ECM2: variants seen among roughly 807,000 people sequenced by gnomAD.
ECM2 encodes the protein extracellular matrix protein 2, female organ and adipocyte specific.
ECM2 carries 57 observed loss-of-function variants against 67.5 expected under a neutral mutation model. The ratio of observed to expected loss-of-function variants is 0.84; its 90% confidence interval spans 0.68 to 1.05. The LOEUF is 1.05. Ranked by LOEUF, ECM2 falls within the 50% of genes least tolerant of loss-of-function variation. The pLI, the probability that ECM2 is intolerant of heterozygous loss-of-function variation, is 0.00. For synonymous variants in ECM2, 258 were observed against 294.5 expected (o/e 0.88, Z 1.27); for missense variants, 741 against 822.8 (o/e 0.90, Z 1.22).
the ECM2 span, among the ~76,000 whole-genome samples, chr9:92,550,840 C>T: frequency 6.6e-6 from 1 of 152,000 alleles, no homozygotes; most frequent in Non-Finnish European, 1.5e-5. Flanking sequence ...TCACTGACAC[C>T]AAAACATGGT....
chr9:92,540,895 A>G (rs1849302796), upstream of ECM2, among the ~76,000 whole-genome samples: 3 of 152,220 alleles, frequency 2.0e-5, no homozygotes, highest in African/African-American at 7.2e-5. Flanking sequence ...GAGCAAAAAT[A>G]TCGATAAAGT....
intron 9 of ECM2, among the ~76,000 whole-genome samples, chr9:92,498,985 A>G (rs1846516439): frequency 6.6e-6 from 1 of 152,228 alleles, no homozygotes; most frequent in Non-Finnish European, 1.5e-5. Flanking sequence ...CACAATTGAA[A>G]GGACCACGTC....
chr9:92,546,907 C>T, the ECM2 span, among the ~76,000 whole-genome samples: 1 of 152,160 alleles, frequency 6.6e-6, no homozygotes, highest in East Asian at 1.9e-4. Context: ...TACCACAGGT[C>T]TCTATATTCT....
Position 92,495,482 on chromosome 9 carries a change from T to A in ECM2, c.*833A>T, listed in dbSNP as rs1846303217. ...ATTTTTCAAAAATTTATACATTAGA[T>A]TTACCTTTACAAGGTTATAGTCAAG... On this transcript the variant is annotated 3_prime_UTR_variant, in exon 10 of 10. Transcript: ENST00000344604. The A allele has an allele frequency of 1.0e-6, 1 of 983,960 alleles. No homozygotes were observed. Among genetic ancestry groups the A allele is most frequent in the African/African-American group, 1.7e-5 (1 of 57,230 alleles). The allele number at this position is 983,960 out of a possible 1,614,324, so 61.0% of individuals were successfully genotyped here. A position where few individuals can be genotyped will look rare whatever the true frequency, so the allele number is the denominator to read the frequency against.
At chr9:92,496,966 C>T (rs968809309) in intron 9 of ECM2, among the ~76,000 whole-genome samples, 1 of 151,306 alleles carries the variant, frequency 6.6e-6, no homozygotes, top group Admixed American at 6.6e-5. Flanking sequence ...TCCAGAAGCT[C>T]ATTAACATAT....
intron 1 of ECM2, among the ~76,000 whole-genome samples, chr9:92,531,814 C>G (rs1848771595): frequency 1.3e-5 from 2 of 151,942 alleles, no homozygotes; most frequent in Admixed American, 6.5e-5. Flanking sequence ...TCCTTTTGTG[C>G]AGATGTGTTG....
chr9:92,507,173 T>G (rs1847057185), intron 6 of ECM2, among the ~76,000 whole-genome samples: 1 of 152,174 alleles, frequency 6.6e-6, no homozygotes, highest in Non-Finnish European at 1.5e-5. Flanking sequence ...TTTACAAAGG[T>G]TAACCTGGTG....
chr9:92,500,044 T>A (rs192319260), intron 9 of ECM2, among the ~76,000 whole-genome samples: 15 of 152,362 alleles, frequency 9.8e-5, no homozygotes, highest in African/African-American at 3.4e-4. Flanking sequence ...GCAGTTTTAA[T>A]TTTAGCATAT....
chr9:92,528,125 G>A (rs1475523403), intron 1 of ECM2: 1 of 152,318 alleles, frequency 6.6e-6, no homozygotes, highest in Non-Finnish European at 1.5e-5. Context: ...CCAACATGGA[G>A]TAATAGGGAC....
chr9:92,551,941 A>AT, the ECM2 span, among the ~76,000 whole-genome samples: 365 of 64,688 alleles, frequency 5.6e-3, 14 homozygotes, highest in African/African-American at 0.044. Flanking sequence ...ATATATATAT[A>AT]TATATATATA....
chr9:92,515,280 G>A (rs1179057880), intron 3 of ECM2, 77 bp from the exon 4 acceptor site: 1 of 1,377,722 alleles, frequency 7.3e-7, no homozygotes, highest in Non-Finnish European at 9.4e-7. Context: ...ATGAAAATGA[G>A]GTTAGTAAAT....
chr9:92,507,553 T>A (rs1403757479), intron 6 of ECM2, among the ~76,000 whole-genome samples: 2 of 152,182 alleles, frequency 1.3e-5, no homozygotes, highest in South Asian at 2.1e-4. Context: ...GAGGTGGATG[T>A]TGAAAGGATT....
At chr9:92,498,582 A>G (rs1321933118) in intron 9 of ECM2, among the ~76,000 whole-genome samples, 1 of 151,846 alleles carries the variant, frequency 6.6e-6, no homozygotes, top group Admixed American at 6.6e-5. Context: ...AAAAGAAAAG[A>G]GCAATTTCTA....
intron 1 of ECM2, chr9:92,528,018 TTGGAGAG>T (rs543072794): frequency 6.0e-4 from 92 of 153,306 alleles, no homozygotes; most frequent in African/African-American, 2.1e-3. Flanking sequence ...CTTCAGACTT[TTGGAGAG>T]TCTGTGAAGT....
intron 2 of ECM2, among the ~76,000 whole-genome samples, chr9:92,522,125 C>T (rs1017473387): frequency 4.6e-5 from 7 of 152,014 alleles, no homozygotes; most frequent in African/African-American, 1.7e-4. Context: ...CTTGCTCTGT[C>T]GCCCAGGCTG....
chr9:92,517,486 C>A, intron 3 of ECM2: 1 of 683,542 alleles, frequency 1.5e-6, no homozygotes. Flanking sequence ...AGAGCTAGAA[C>A]TATAAAGCCA....
At chr9:92,536,965 G>T (rs906976171), upstream of ECM2, among the ~76,000 whole-genome samples, 17 of 151,386 alleles carry the variant, frequency 1.1e-4, no homozygotes, top group Non-Finnish European at 2.1e-4. Flanking sequence ...CGCCTCCCAG[G>T]TTCAAGGGAT....
rs773736567 is a variant in ECM2 at position 92,496,296 on chromosome 9, A to G, written c.*19T>C. ...AAATACATGAGTAAAGTTTATAAAC[A>G]GCAAAGGAAAACTTGGAATTACTTG... On this transcript the variant is annotated 3_prime_UTR_variant, in exon 10 of 10. Coordinates refer to ENST00000344604, the MANE Select transcript of ECM2 (RefSeq NM_001393.4). 1 of 1,564,822 alleles carries G rather than the reference A, an allele frequency of 6.4e-7. No individual in the cohort carries two copies. Among genetic ancestry groups the G allele is most frequent in the Non-Finnish European group, 8.6e-7 (1 of 1,163,544 alleles).
chr9:92,502,804 C>CTTT (rs34408968), intron 7 of ECM2, 152 bp from the exon 8 acceptor site: 167 of 296,208 alleles, frequency 5.6e-4, no homozygotes, highest in South Asian at 9.5e-4. Context: ...TTTAAGTTGT[C>CTTT]TTTTTTTTTT....
Sources: allele counts gnomAD v4.1 joint callset (sites outside exome capture counted in the v4.1 genomes callset), GRCh38; gene constraint gnomAD v4.1.1; transcripts MANE v1.5; gene names NCBI Gene and HGNC (gene_info 2026-07-23, HGNC 2026-07-21).